The following TTC13 variants were observed in gnomAD, a reference collection of about 807,000 sequenced individuals.
The protein encoded by TTC13 is tetratricopeptide repeat protein 13.
In TTC13, 62 loss-of-function variants were observed where a neutral mutation model predicts 120.0. The ratio of observed to expected loss-of-function variants is 0.52; its 90% CI spans 0.42 to 0.64. The LOEUF is 0.64. Among genes scored for constraint, TTC13 ranks in the 30% least tolerant of loss-of-function variants. The pLI, the probability that TTC13 is intolerant of heterozygous loss-of-function variation, is 0.00. For synonymous variants in TTC13, 384 were observed against 393.5 expected, an observed-to-expected ratio of 0.98 and a Z score of 0.28; for missense variants, 824 against 1,050.2, an observed-to-expected ratio of 0.78 and a Z score of 2.98.
At chr1:230,929,119 A>G in intron 11 of TTC13, 26 bp from the exon 12 acceptor site, 1 of 1,599,908 alleles carries the variant, frequency 6.3e-7, no homozygotes, top group East Asian at 2.2e-5. Context: ...GAGATCTGAC[A>G]CATCCAAATA....
chr1:230,968,212 G>A (rs1338977860), intron 1 of TTC13, among the ~76,000 whole-genome samples: 3 of 119,598 alleles, frequency 2.5e-5, no homozygotes, highest in African/African-American at 5.5e-5. Flanking sequence ...GTTTTATTGT[G>A]GTTAAAAAAA....
At chr1:230,966,686 C>T (rs946020673) in intron 1 of TTC13, among the ~76,000 whole-genome samples, 3 of 152,216 alleles carry the variant, frequency 2.0e-5, no homozygotes, top group African/African-American at 4.8e-5. Flanking sequence ...GTGAGAGCTA[C>T]ACATGACAGC....
chr1:230,928,995 T>C lies in TTC13; in HGVS notation c.1399A>G (p.Asn467Asp). ...TAGTCTTCTATGAGGAAAGGCAAAT[T>C]TTTAGCCCAGTGGTCCTTAAAGCTT... is the stretch of plus-strand genomic sequence containing the variant. Reference protein sequence around the residue: ...PGSFKDHWAKNLPFLIEDYEE... With the variant: ...PGSFKDHWAKDLPFLIEDYEE... The change falls in exon 12 of 23, where the codon AAT becomes GAT. Residue 467 changes from asparagine to aspartate, a missense_variant. Transcript: ENST00000366661. 6.2e-7 allele frequency: 1 copy of C among 1,614,180 alleles called. No homozygotes were observed. The highest frequency in any genetic ancestry group is 8.5e-7 in the Non-Finnish European group (1 of 1,180,024).
intron 3 of TTC13, among the ~76,000 whole-genome samples, chr1:230,956,962 T>C (rs75907229): frequency 0.054 from 8,264 of 152,106 alleles, 439 homozygotes; most frequent in African/African-American, 0.14. Flanking sequence ...ATACAAAAGA[T>C]CATAGGCCAG....
rs1453540980 is a variant in TTC13 at position 230,940,611 on chromosome 1, C to T, written c.673-55G>A. 2.5e-6 allele frequency: 3 copies of T among 1,208,754 alleles called. No homozygotes were observed. Among genetic ancestry groups the T allele is most frequent in the Non-Finnish European group, 3.7e-6 (3 of 820,074 alleles). The allele number at this position is 1,208,754 out of a possible 1,614,324, so 74.9% of individuals were successfully genotyped here. A position where few individuals can be genotyped will look rare whatever the true frequency, so the allele number is the denominator to read the frequency against. On this transcript the variant is annotated intron_variant, in intron 6 of 22. Transcript: ENST00000366661. This position sits in a 1 kb window ranked among gnomAD's most constrained non-coding sequence, Gnocchi z 4.1. ...AATACCAATGACCAACCCTAAAATC[C>T]CAATGTTTTTGACTCTTCAATTCCA...
chr1:230,911,328 T>G (rs1212710683), intron 20 of TTC13, 142 bp downstream of exon 20: 1 of 545,004 alleles, frequency 1.8e-6, no homozygotes, highest in Non-Finnish European at 3.2e-6. Flanking sequence ...GGAAATATTT[T>G]TTTGTGCAGA....
intron 1 of TTC13, among the ~76,000 whole-genome samples, chr1:230,969,404 C>A (rs1677493985): frequency 2.0e-5 from 3 of 152,080 alleles, no homozygotes. Context: ...AAGAACTATC[C>A]ATTTCTTTGA....
At chr1:230,936,168 G>A (rs1477317255) in intron 8 of TTC13, 5 of 456,052 alleles carry the variant, frequency 1.1e-5, no homozygotes, top group South Asian at 7.7e-5. Flanking sequence ...AGCATGCTTG[G>A]ACGCCACAGT....
chr1:230,910,674 G>T (rs905195467), intron 20 of TTC13, among the ~76,000 whole-genome samples: 5 of 152,250 alleles, frequency 3.3e-5, no homozygotes, highest in African/African-American at 1.2e-4. Flanking sequence ...CCCACAAGCG[G>T]TGATGTGCAC....
At position 230,931,312 on chromosome 1, in the gene TTC13, A is replaced by T; in HGVS notation, c.1286T>A (p.Val429Glu). The T allele has an allele frequency of 6.2e-7, 1 of 1,613,686 alleles. No homozygotes were observed. Among genetic ancestry groups the T allele is most frequent in the Non-Finnish European group, 8.5e-7 (1 of 1,179,950 alleles). ...TTCTGACTTACCTCGGAGATACTTT[A>T]CTTTAAGATACTCAGGGCTAGCCTT... ...GQKASPEYLK[V>E]KYLREYSRYL... Residue 429 changes from valine (V) to glutamate (E), a missense_variant, in exon 11 of 23, where the codon GTA (valine) becomes GAA (glutamate). Physicochemically the swap from Val to Glu is moderately radical, Grantham distance 121. Around this residue, in one of 4 missense-constraint regions of TTC13, gnomAD observed 430 missense variants for 626.8 expected, o/e 0.69. Transcript: ENST00000366661.
At chr1:230,960,629 A>G (rs932998851) in intron 2 of TTC13, among the ~76,000 whole-genome samples, 11 of 152,196 alleles carry the variant, frequency 7.2e-5, no homozygotes, top group African/African-American at 2.7e-4. Context: ...AGATGCAAAG[A>G]GTATCTATGC....
chr1:230,945,511 T>C (rs1674906760), intron 4 of TTC13, 57 bp from the exon 5 acceptor site: 1 of 1,532,942 alleles, frequency 6.5e-7, no homozygotes, highest in South Asian at 1.1e-5. Flanking sequence ...AAACAAAAAA[T>C]CAGTTTCTGC....
chr1:230,950,056 A>G (rs1675428752), intron 4 of TTC13, among the ~76,000 whole-genome samples: 1 of 152,216 alleles, frequency 6.6e-6, no homozygotes, highest in South Asian at 2.1e-4. Context: ...AAATTTAAAT[A>G]ACAGATTTTA....
chr1:230,963,774 A>G (rs144939074), intron 1 of TTC13, among the ~76,000 whole-genome samples: 5 of 152,284 alleles, frequency 3.3e-5, no homozygotes, highest in African/African-American at 1.2e-4. Context: ...AGGCAAGGAA[A>G]TGCAAAGGGC....
intron 19 of TTC13, among the ~76,000 whole-genome samples, chr1:230,911,815 C>T (rs1173692155): frequency 6.6e-6 from 1 of 152,134 alleles, no homozygotes; most frequent in African/African-American, 2.4e-5. Flanking sequence ...TCTCCTTTAA[C>T]GTTATTTGAA....
At chr1:230,911,326 T>A (rs1249409613) in intron 20 of TTC13, 144 bp downstream of exon 20, 15 of 545,116 alleles carry the variant, frequency 2.8e-5, no homozygotes, top group Middle Eastern at 4.6e-4. Context: ...AAGGAAATAT[T>A]TTTTTGTGCA....
chr1:230,952,445 C>T (rs1217112590), intron 4 of TTC13, among the ~76,000 whole-genome samples: 1 of 152,164 alleles, frequency 6.6e-6, no homozygotes, highest in Non-Finnish European at 1.5e-5. Flanking sequence ...CTGAACTTTC[C>T]ACTGCCTTCA....
chr1:230,926,709 C>T (rs1248613884), intron 12 of TTC13, among the ~76,000 whole-genome samples: 1 of 152,104 alleles, frequency 6.6e-6, no homozygotes, highest in African/African-American at 2.4e-5. Flanking sequence ...AGGAGTAGTT[C>T]GAGAACATGC....
chr1:230,965,224 C>G (rs1288072930), intron 1 of TTC13, among the ~76,000 whole-genome samples: 1 of 152,114 alleles, frequency 6.6e-6, no homozygotes, highest in Non-Finnish European at 1.5e-5. Flanking sequence ...TGCAAACTAC[C>G]CCTCTGACAA....
Sources: gnomAD v4.1 joint callset for allele counts (sites outside exome capture counted in the v4.1 genomes callset) on GRCh38, gnomAD v4.1.1 for gene constraint, gnomAD v4.1.1 regional missense constraint, Gnocchi (gnomAD v3.1) non-coding constraint, MANE v1.5 for transcripts, NCBI Gene and HGNC (gene_info 2026-07-23, HGNC 2026-07-21) for gene names.